The following ANO3 variants were observed in gnomAD, a reference collection of about 807,000 sequenced individuals.
ANO3 encodes the protein anoctamin-3.
Under a neutral mutation model 144.8 loss-of-function variants are expected in ANO3, and 99 were observed. The ratio of observed to expected loss-of-function variants is 0.68; its 90% CI spans 0.58 to 0.81. ANO3 has a LOEUF of 0.81. Among genes scored for constraint, ANO3 ranks in the 30% least tolerant of loss-of-function variants. ANO3 has a pLI of 0.00. For missense variants in ANO3, 905 were observed against 1,202.2 expected, an observed-to-expected ratio of 0.75 and a Z score of 3.66; for synonymous variants, 414 against 392.6, an observed-to-expected ratio of 1.05 and a Z score of -0.64.
chr11:26,323,517 A>G (rs890912397), intron 1 of ANO3, among the ~76,000 whole-genome samples: 2 of 151,996 alleles, frequency 1.3e-5, no homozygotes, highest in Non-Finnish European at 2.9e-5. Flanking sequence ...ATCTTTTCTT[A>G]TGGGTCTGTG....
intron 1 of ANO3, among the ~76,000 whole-genome samples, chr11:26,191,218 T>C (rs1056402980): frequency 9.2e-5 from 14 of 151,662 alleles, no homozygotes; most frequent in African/African-American, 3.4e-4. Flanking sequence ...GTGGAGGTTG[T>C]GGTGAGCTGA....
At chr11:26,201,578 G>A (rs1203310033) in intron 1 of ANO3, among the ~76,000 whole-genome samples, 3 of 151,880 alleles carry the variant, frequency 2.0e-5, no homozygotes, top group Non-Finnish European at 2.9e-5. Context: ...CTCTGACTTC[G>A]ATCAAAAGCT....
At chr11:26,334,093 C>T (rs759872135) in intron 1 of ANO3, among the ~76,000 whole-genome samples, 5 of 152,194 alleles carry the variant, frequency 3.3e-5, no homozygotes, top group Non-Finnish European at 5.9e-5. Context: ...ACCGTCATTG[C>T]TCAAAGAGAG....
chr11:26,537,526 G>A, intron 10 of ANO3, 65 bp downstream of exon 10: 2 of 1,350,740 alleles, frequency 1.5e-6, no homozygotes, highest in East Asian at 4.6e-5. Flanking sequence ...TGGTCCTGTT[G>A]TTTGCATTTG....
Position 26,656,137 on chromosome 11 carries a change from A to T in ANO3, c.2589A>T (p.Gly863=). The T allele has an allele frequency of 6.2e-7, 1 of 1,613,202 alleles. No individual in the cohort carries two copies. The highest frequency in any genetic ancestry group is 8.5e-7 in the Non-Finnish European group (1 of 1,179,390). Residue 863 remains glycine (G), a synonymous_variant, in exon 25 of 27, where the codon GGA becomes GGT. Coordinates refer to ENST00000256737, the MANE Select transcript of ANO3 (RefSeq NM_031418.4). ...HVEPSENCLK[G]YVNNSLSFFD... ...TCTTTTCTCCCAGTTGCTTGAAGGG[A>T]TATGTCAACAATAGCCTATCCTTCT...
At chr11:26,410,297 A>G (rs1857396769) in intron 1 of ANO3, among the ~76,000 whole-genome samples, 1 of 152,014 alleles carries the variant, frequency 6.6e-6, no homozygotes, top group Non-Finnish European at 1.5e-5. Flanking sequence ...TCAAAAAATT[A>G]CAGAGAATTA....
chr11:26,210,138 C>T (rs7952023), intron 1 of ANO3, among the ~76,000 whole-genome samples: 6 of 151,912 alleles, frequency 3.9e-5, no homozygotes, highest in South Asian at 4.1e-4. Context: ...TTAAGCCTTT[C>T]ATCTATCTTG....
In ANO3 at chr11:26,553,229, T is replaced by G. The variant is rs1162563845; in HGVS notation, c.1290-20T>G. 2.2e-5 allele frequency: 29 copies of G among 1,323,126 alleles called. No individual in the cohort carries two copies. The African/African-American group carries it at 4.8e-4, about 22-fold the overall frequency. 82.0% of individuals were successfully genotyped at this position (1,323,126 alleles called of 1,614,324 possible). A position where few individuals can be genotyped will look rare whatever the true frequency, so the allele number is the denominator to read the frequency against. On this transcript the variant is annotated intron_variant, in intron 12 of 26. Coordinates refer to ENST00000256737, the MANE Select transcript of ANO3 (RefSeq NM_031418.4). ...TTCATGCTATGTTTTGTTTTGTTTT[T>G]GTTTTTGTTTTTTCTCAAGCCAAGA... is the stretch of plus-strand genomic sequence containing the variant.
At chr11:26,527,038 C>T (rs1270134282) in intron 7 of ANO3, among the ~76,000 whole-genome samples, 2 of 83,364 alleles carry the variant, frequency 2.4e-5, no homozygotes, top group Non-Finnish European at 5.3e-5. Context: ...ATTAGTGAGA[C>T]TTTGCTACTA....
intron 13 of ANO3, among the ~76,000 whole-genome samples, chr11:26,557,718 A>G (rs936165661): frequency 2.0e-5 from 3 of 152,132 alleles, no homozygotes; most frequent in African/African-American, 7.2e-5. Flanking sequence ...TCTTCTGTCA[A>G]TCACCCATGA....
chr11:26,438,635 A>G (rs1250935731), intron 1 of ANO3, among the ~76,000 whole-genome samples: 12 of 149,326 alleles, frequency 8.0e-5, no homozygotes, highest in Non-Finnish European at 1.2e-4. Context: ...GAAAATAGCC[A>G]GGCATGGTGG....
chr11:26,527,312 G>A (rs564642255), intron 7 of ANO3, among the ~76,000 whole-genome samples: 3 of 152,062 alleles, frequency 2.0e-5, no homozygotes, highest in African/African-American at 4.8e-5. Flanking sequence ...CTTATTTTCT[G>A]TGTAAGTTCA....
intron 1 of ANO3, among the ~76,000 whole-genome samples, chr11:26,393,379 C>G (rs1856929820): frequency 6.6e-6 from 1 of 151,946 alleles, no homozygotes; most frequent in Admixed American, 6.6e-5. Context: ...AGCATGAACA[C>G]AACAACACTG....
intron 1 of ANO3, among the ~76,000 whole-genome samples, chr11:26,294,392 A>AT (rs956668194): frequency 1.3e-5 from 2 of 151,974 alleles, no homozygotes; most frequent in African/African-American, 2.4e-5. Context: ...GTTTTACTTT[A>AT]TTTTTTTAAA....
At chr11:26,233,225 A>AAAAG (rs542156826) in intron 1 of ANO3, among the ~76,000 whole-genome samples, 2,086 of 151,488 alleles carry the variant, frequency 0.014, 45 homozygotes, top group East Asian at 0.12. Context: ...TCAAAAAAAA[A>AAAAG]AAAAGAAAAG....
chr11:26,431,326 T>C (rs1858082205), intron 1 of ANO3, among the ~76,000 whole-genome samples: 1 of 152,238 alleles, frequency 6.6e-6, no homozygotes, highest in South Asian at 2.1e-4. Context: ...GCAGGTTTGT[T>C]ACATGGTTAT....
intron 4 of ANO3, among the ~76,000 whole-genome samples, chr11:26,476,649 A>C (rs887420517): frequency 6.6e-6 from 1 of 152,052 alleles, no homozygotes; most frequent in African/African-American, 2.4e-5. Flanking sequence ...TGGGTGGGGA[A>C]ACAATGTCGG....
At chr11:26,370,755 T>C (rs1223736744) in intron 1 of ANO3, among the ~76,000 whole-genome samples, 1 of 152,000 alleles carries the variant, frequency 6.6e-6, no homozygotes, top group Non-Finnish European at 1.5e-5. Flanking sequence ...GAAACTGGAG[T>C]AAAGGTCACT....
intron 7 of ANO3, among the ~76,000 whole-genome samples, chr11:26,526,560 A>G (rs1849168648): frequency 6.6e-6 from 1 of 152,190 alleles, no homozygotes; most frequent in Admixed American, 6.5e-5. Context: ...GAAATGATTC[A>G]ATAAATCTAG....
Sources: gnomAD v4.1 joint callset for allele counts (sites outside exome capture counted in the v4.1 genomes callset) on GRCh38, gnomAD v4.1.1 for gene constraint, MANE v1.5 for transcripts, NCBI Gene and HGNC (gene_info 2026-07-23, HGNC 2026-07-21) for gene names.